SAMSN1: variants seen among roughly 807,000 people sequenced by gnomAD.
SAMSN1 encodes the protein SAM domain, SH3 domain and nuclear localization signals 1.
Under a neutral mutation model 42.0 loss-of-function variants are expected in SAMSN1, and 31 were observed. The observed-to-expected ratio is 0.74, with a 90% CI of 0.55 to 1.00. The LOEUF (loss-of-function observed/expected upper bound fraction) is 1.00. Among genes scored for constraint, SAMSN1 ranks in the 50% least tolerant of loss-of-function variants. SAMSN1 has a pLI of 0.00. For synonymous variants in SAMSN1, 178 were observed against 151.9 expected, an observed-to-expected ratio of 1.17 and a Z score of -1.26; for missense variants, 464 against 439.4, an observed-to-expected ratio of 1.06 and a Z score of -0.50.
chr21:14,579,829 G>A (rs183849042), intron 2 of SAMSN1, among the ~76,000 whole-genome samples: 9 of 152,134 alleles, frequency 5.9e-5, no homozygotes, highest in Admixed American at 5.9e-4. Flanking sequence ...AGGAACTATG[G>A]AGGATACAAA....
At chr21:14,543,667 C>G (rs968676545) in intron 1 of SAMSN1, among the ~76,000 whole-genome samples, 4 of 152,020 alleles carry the variant, frequency 2.6e-5, no homozygotes, top group Non-Finnish European at 4.4e-5. Context: ...TCCAATAGGT[C>G]ACTTGAAATA....
intron 1 of SAMSN1, among the ~76,000 whole-genome samples, chr21:14,536,860 GTTACCTA>G (rs1979655828): frequency 1.3e-5 from 2 of 152,146 alleles, no homozygotes; most frequent in Admixed American, 6.5e-5. Flanking sequence ...CATGTAGTAA[GTTACCTA>G]TAAACATCCA....
upstream of SAMSN1, among the ~76,000 whole-genome samples, chr21:14,585,731 C>T (rs764041118): frequency 5.3e-5 from 8 of 152,022 alleles, no homozygotes; most frequent in Non-Finnish European, 7.4e-5. Context: ...TTGTACATGG[C>T]TTAATAAATA....
intron 2 of SAMSN1, among the ~76,000 whole-genome samples, chr21:14,567,116 AG>A (rs1981147270): frequency 6.6e-6 from 1 of 152,166 alleles, no homozygotes; most frequent in Non-Finnish European, 1.5e-5. Context: ...GTATTGACAG[AG>A]GGTTTCATGG....
At chr21:14,520,664 A>G (rs1205546262) in intron 2 of SAMSN1, among the ~76,000 whole-genome samples, 2 of 152,104 alleles carry the variant, frequency 1.3e-5, no homozygotes, top group African/African-American at 4.8e-5. Flanking sequence ...GAAAAACCAG[A>G]CTGATGATCC....
chr21:14,487,131 G>C (rs1325736870), intron 7 of SAMSN1, among the ~76,000 whole-genome samples: 4 of 152,080 alleles, frequency 2.6e-5, no homozygotes, highest in Admixed American at 6.6e-5. Context: ...GTAGGCATCT[G>C]AATAGCTCCA....
At chr21:14,644,353 A>G (rs956204804) in intron 1 of SAMSN1, among the ~76,000 whole-genome samples, 6 of 152,028 alleles carry the variant, frequency 3.9e-5, no homozygotes, top group Admixed American at 2.6e-4. Flanking sequence ...TAGGGCACTG[A>G]TAAGAGTCAT....
exon 2 of SAMSN1, chr21:14,582,189 G>C: frequency 6.4e-7 from 1 of 1,550,622 alleles, no homozygotes; most frequent in Non-Finnish European, 8.7e-7. Context: ...CGTGTGTGGC[G>C]AATACAAGAG....
chr21:14,550,078 C>G (rs140192744), upstream of SAMSN1, among the ~76,000 whole-genome samples: 1 of 152,048 alleles, frequency 6.6e-6, no homozygotes, highest in African/African-American at 2.4e-5. Context: ...CTCTAGTTAT[C>G]TAGCTTATTC....
intron 1 of SAMSN1, among the ~76,000 whole-genome samples, chr21:14,647,610 A>T (rs1321711322): frequency 5.2e-5 from 7 of 135,452 alleles, no homozygotes; most frequent in Admixed American, 1.6e-4. Context: ...GATTCTTCCT[A>T]ACCATGAGCA....
intron 1 of SAMSN1, among the ~76,000 whole-genome samples, chr21:14,651,994 A>G (rs1234358428): frequency 6.6e-6 from 1 of 152,096 alleles, no homozygotes; most frequent in Non-Finnish European, 1.5e-5. Flanking sequence ...GCTGAAATCA[A>G]TTGAGGAGGA....
At position 14,540,268 on chromosome 21, in the gene SAMSN1, C is replaced by A. The variant is rs372831260; in HGVS notation, c.57+5937G>T. On this transcript the variant is annotated intron_variant, in intron 1 of 7. Transcript: ENST00000400566. ...ATGTCTAAAACACCAAAAGCAATGG[C>A]AACAAAAGCCAAAATTGACAAATGG... 2.0e-5 allele frequency among the ~76,000 whole-genome samples: 3 copies of A among 152,246 alleles called. No individual in the cohort carries two copies. The East Asian group carries it at 5.8e-4, about 29-fold the overall frequency.
In SAMSN1 at chr21:14,521,839, A is replaced by G. The variant is rs144488855; in HGVS notation, c.58-618T>C. On this transcript the variant is annotated intron_variant, in intron 1 of 7. Coordinates refer to ENST00000400566, the MANE Select transcript of SAMSN1 (RefSeq NM_022136.5). ...ATGTTTACTTATGTAACAAACCTGTACATCCTGTACATGTACCCCGAAAAT... is the reference window on the plus strand; with the variant it reads ...ATGTTTACTTATGTAACAAACCTGTGCATCCTGTACATGTACCCCGAAAAT... Among the ~76,000 whole-genome samples the G allele has an allele frequency of 2.2e-4, 33 of 152,214 alleles. 1 individual carries two copies. The highest frequency in any genetic ancestry group is 7.9e-4 in the African/African-American group (33 of 41,514).
intron 1 of SAMSN1, among the ~76,000 whole-genome samples, chr21:14,539,293 C>A (rs539972747): frequency 6.6e-6 from 1 of 152,014 alleles, no homozygotes; most frequent in Non-Finnish European, 1.5e-5. Flanking sequence ...TTCTGGCCAG[C>A]GCAATCAGGC....
upstream of SAMSN1, among the ~76,000 whole-genome samples, chr21:14,659,324 G>A (rs1023186400): frequency 2.6e-5 from 4 of 151,944 alleles, no homozygotes; most frequent in East Asian, 3.9e-4. Flanking sequence ...CCATTTTTAA[G>A]TAAACAGTTC....
At chr21:14,562,019 C>T (rs910257481) in intron 2 of SAMSN1, among the ~76,000 whole-genome samples, 3 of 152,264 alleles carry the variant, frequency 2.0e-5, no homozygotes, top group Non-Finnish European at 4.4e-5. Context: ...ACAATAATAT[C>T]TGTGGCTGTA....
exon 2 of SAMSN1, chr21:14,643,013 T>G (rs1235926107): frequency 5.6e-6 from 4 of 717,160 alleles, no homozygotes; most frequent in Non-Finnish European, 1.0e-5. Flanking sequence ...ACGAAGAGAT[T>G]GTTTGGTGTT....
rs1983676586 is a variant in SAMSN1 at position 14,644,587 on chromosome 21, A to G, written c.25-1454T>C. On this transcript the variant is annotated intron_variant, in intron 1 of 15. Coordinates refer to the SAMSN1 transcript ENST00000647101. ...TTAGTGGCTTTAGATGAGACTCAGC[A>G]CATTACTAGCTGTGGTGGCTACAGA... Among the ~76,000 whole-genome samples the G allele has an allele frequency of 2.0e-5, 3 of 152,152 alleles. No homozygotes were observed. The South Asian group carries it at 6.2e-4, about 32-fold the overall frequency.
chr21:14,616,477 T>C (rs1329414808), intron 2 of SAMSN1, among the ~76,000 whole-genome samples: 1 of 152,186 alleles, frequency 6.6e-6, no homozygotes, highest in Non-Finnish European at 1.5e-5. Flanking sequence ...GAAAGTAGCC[T>C]ATCACAATAC....
Sources: allele counts gnomAD v4.1 joint callset (sites outside exome capture counted in the v4.1 genomes callset), GRCh38; gene constraint gnomAD v4.1.1; transcripts MANE v1.5; gene names NCBI Gene and HGNC (gene_info 2026-07-23, HGNC 2026-07-21).